The following ZNF536 variants were observed in gnomAD, a reference collection of about 807,000 sequenced individuals.
ZNF536 encodes the protein zinc finger protein 536.
A neutral mutation model predicts 84.5 loss-of-function variants in ZNF536; 13 were observed. That is an observed-to-expected ratio of 0.15 (90% CI 0.10 to 0.24). The LOEUF (loss-of-function observed/expected upper bound fraction) is 0.24. Among genes scored for constraint, ZNF536 ranks in the 10% least tolerant of loss-of-function variants. ZNF536 has a pLI of 1.00. For synonymous variants in ZNF536, 811 were observed against 742.5 expected (o/e 1.09, Z -1.50); for missense variants, 1,536 against 1,747.5 (o/e 0.88, Z 2.16).
intron 1 of ZNF536, among the ~76,000 whole-genome samples, chr19:30,564,516 C>T (rs1196252049): frequency 6.6e-6 from 1 of 151,996 alleles, no homozygotes; most frequent in Non-Finnish European, 1.5e-5. Flanking sequence ...TGGGATGGGC[C>T]ATCCCACTGC....
chr19:30,591,113 T>C lies in ZNF536; in HGVS notation c.169+41599T>C, dbSNP rs532387178. On this transcript the variant is annotated intron_variant, in intron 1 of 1. Coordinates refer to the ZNF536 transcript ENST00000592773. The stretch of plus-strand genomic sequence containing the variant: ...GATGATGAAGACAAATGCCACCCAC[T>C]CATTTGGTGGAAGAGAATTCAGACC... Among the ~76,000 whole-genome samples, 243 of 152,280 alleles carry C rather than the reference T, an allele frequency of 1.6e-3. 1 individual carries two copies. Among genetic ancestry groups the C allele is most frequent in the Admixed American group, 3.7e-3 (57 of 15,298 alleles).
intron 1 of ZNF536, among the ~76,000 whole-genome samples, chr19:30,640,600 C>T (rs1056191448): frequency 6.6e-6 from 1 of 152,192 alleles, no homozygotes; most frequent in Admixed American, 6.5e-5. Flanking sequence ...AGGCTTCTCC[C>T]TGCACCGTCT....
Position 30,352,597 on chromosome 19 carries a change from C to G in ZNF536, c.-3+113C>G, listed in dbSNP as rs150377224. ...AACCAAATAGCTCCTCTGTCTCCTGCCCCCGGCCAGGGGCTTCCTTGTACC... is the reference window on the plus strand; with the variant it reads ...AACCAAATAGCTCCTCTGTCTCCTGGCCCCGGCCAGGGGCTTCCTTGTACC... On this transcript the variant is annotated intron_variant, in intron 3 of 5. Coordinates refer to the ZNF536 transcript ENST00000585628. 1.1e-4 allele frequency: 16 copies of G among 152,272 alleles called. No individual in the cohort carries two copies. The East Asian group carries it at 3.1e-3, about 29-fold the overall frequency. 9.4% of individuals were successfully genotyped at this position (152,272 alleles called of 1,614,324 possible). A position where few individuals can be genotyped will look rare whatever the true frequency, so the allele number is the denominator to read the frequency against.
chr19:30,458,380 T>C (rs1273054507), intron 2 of ZNF536, among the ~76,000 whole-genome samples: 2 of 152,084 alleles, frequency 1.3e-5, no homozygotes, highest in African/African-American at 4.8e-5. Context: ...TTAAAGGGTC[T>C]TACCTGCTGT....
intron 1 of ZNF536, among the ~76,000 whole-genome samples, chr19:30,587,946 A>T (rs539015675): frequency 2.3e-4 from 35 of 152,322 alleles, no homozygotes; most frequent in African/African-American, 7.7e-4. Context: ...CTGTTTACTA[A>T]CGTCTTGCAA....
At chr19:30,341,173 A>G (rs938038018) in intron 2 of ZNF536, among the ~76,000 whole-genome samples, 2 of 152,238 alleles carry the variant, frequency 1.3e-5, no homozygotes, top group Non-Finnish European at 2.9e-5. Flanking sequence ...CTGATGCATC[A>G]TACTGTTTAC....
intron 1 of ZNF536, among the ~76,000 whole-genome samples, chr19:30,653,670 G>A (rs147187993): frequency 0.013 from 1,914 of 146,546 alleles, 47 homozygotes; most frequent in African/African-American, 0.049. Flanking sequence ...AGCAGGGGAC[G>A]GAAGAGAGGT....
At chr19:30,342,071 T>C (rs1239020186) in intron 2 of ZNF536, among the ~76,000 whole-genome samples, 4 of 152,256 alleles carry the variant, frequency 2.6e-5, no homozygotes, top group Non-Finnish European at 5.9e-5. Flanking sequence ...TCCTCTTCTG[T>C]CTTCTCTTTG....
chr19:30,642,677 C>T (rs891428766), intron 1 of ZNF536, among the ~76,000 whole-genome samples: 1 of 152,170 alleles, frequency 6.6e-6, no homozygotes, highest in African/African-American at 2.4e-5. Flanking sequence ...TCGACTCTAG[C>T]AACAGATTAG....
intron 1 of ZNF536, among the ~76,000 whole-genome samples, chr19:30,568,389 G>T (rs2046427324): frequency 6.6e-6 from 1 of 152,190 alleles, no homozygotes; most frequent in African/African-American, 2.4e-5. Flanking sequence ...TCTGCACAAA[G>T]AGGAGTATAT....
intron 1 of ZNF536, among the ~76,000 whole-genome samples, chr19:30,274,988 TC>T (rs1000712694): frequency 6.6e-6 from 1 of 152,222 alleles, no homozygotes; most frequent in African/African-American, 2.4e-5. Flanking sequence ...TCTGGATTTT[TC>T]CCCCGTTTGC....
intron 2 of ZNF536, among the ~76,000 whole-genome samples, chr19:30,326,052 G>A (rs556698534): frequency 6.6e-6 from 1 of 152,226 alleles, no homozygotes; most frequent in Non-Finnish European, 1.5e-5. Context: ...TTTTCTACAT[G>A]TGGAGTGTTC....
intron 2 of ZNF536, among the ~76,000 whole-genome samples, chr19:30,338,965 C>T (rs530089833): frequency 2.0e-5 from 3 of 152,158 alleles, no homozygotes; most frequent in Admixed American, 2.0e-4. Flanking sequence ...CAGCACCTGC[C>T]AGCCCAGGTT....
At chr19:30,510,254 ACT>A (rs1264364504) in intron 2 of ZNF536, among the ~76,000 whole-genome samples, 1 of 152,222 alleles carries the variant, frequency 6.6e-6, no homozygotes, top group African/African-American at 2.4e-5. Flanking sequence ...TGAAAAGTGC[ACT>A]GTGCCATAAA....
chr19:30,507,082 C>A (rs1351537624), intron 2 of ZNF536, among the ~76,000 whole-genome samples: 1 of 152,204 alleles, frequency 6.6e-6, no homozygotes, highest in Non-Finnish European at 1.5e-5. Flanking sequence ...ACAGACCTGG[C>A]TGGGCGTGGT....
intron 1 of ZNF536, among the ~76,000 whole-genome samples, chr19:30,680,331 C>T (rs1234127031): frequency 6.6e-6 from 1 of 150,384 alleles, no homozygotes. Context: ...ATATATGTGC[C>T]ATGTTGGTGT....
chr19:30,313,472 G>T (rs2046573713), intron 2 of ZNF536, among the ~76,000 whole-genome samples: 1 of 152,106 alleles, frequency 6.6e-6, no homozygotes, highest in South Asian at 2.1e-4. Flanking sequence ...GTTTCCCAGG[G>T]GTCCTGGGGA....
chr19:30,585,798 C>T (rs191156443), intron 1 of ZNF536, among the ~76,000 whole-genome samples: 3 of 152,272 alleles, frequency 2.0e-5, no homozygotes, highest in Non-Finnish European at 2.9e-5. Flanking sequence ...TCAAGCCTCA[C>T]GTCCCCCAAC....
At chr19:30,294,945 G>A (rs2045952510) in intron 2 of ZNF536, among the ~76,000 whole-genome samples, 1 of 152,176 alleles carries the variant, frequency 6.6e-6, no homozygotes, top group African/African-American at 2.4e-5. Flanking sequence ...TCCTCAGCCT[G>A]GGTGACATTG....
Sources: allele counts gnomAD v4.1 joint callset (sites outside exome capture counted in the v4.1 genomes callset), GRCh38; gene constraint gnomAD v4.1.1; transcripts MANE v1.5; gene names NCBI Gene and HGNC (gene_info 2026-07-23, HGNC 2026-07-21).